The following LAMA1 variants were observed in gnomAD, a reference collection of about 807,000 sequenced individuals.
LAMA1 encodes laminin subunit alpha-1.
Under a neutral mutation model 348.7 loss-of-function variants are expected in LAMA1, and 219 were observed. The ratio of observed to expected loss-of-function variants is 0.63; its 90% CI spans 0.56 to 0.70. The LOEUF (loss-of-function observed/expected upper bound fraction) is 0.70, where lower values mean the gene tolerates loss of function less well. Ranked by LOEUF, LAMA1 falls within the 30% of genes least tolerant of loss-of-function variation. The pLI, the probability that LAMA1 is intolerant of heterozygous loss-of-function variation, is 0.00. For synonymous variants in LAMA1, 1,487 were observed against 1,491.0 expected, an observed-to-expected ratio of 1.00 and a Z score of 0.06; for missense variants, 3,744 against 3,888.0, an observed-to-expected ratio of 0.96 and a Z score of 0.99.
At chr18:6,956,187 G>A in intron 56 of LAMA1, 1 of 346,204 alleles carries the variant, frequency 2.9e-6, no homozygotes, top group Non-Finnish European at 5.6e-6. Flanking sequence ...GAAAGCAAAA[G>A]GGGAGAACAT....
intron 6 of LAMA1, 150 bp from the exon 7 acceptor site, chr18:7,044,989 T>G: frequency 1.4e-6 from 1 of 717,624 alleles, no homozygotes; most frequent in Non-Finnish European, 2.5e-6. Flanking sequence ...TGGCATTTAA[T>G]TTTTAGATGC....
chr18:7,047,323 T>G (rs1796287173), intron 5 of LAMA1, among the ~76,000 whole-genome samples: 1 of 152,178 alleles, frequency 6.6e-6, no homozygotes, highest in Admixed American at 6.5e-5. Context: ...GATTACAGCA[T>G]GAGCCACTGT....
intron 3 of LAMA1, among the ~76,000 whole-genome samples, chr18:7,055,344 T>C (rs759195202): frequency 6.6e-6 from 1 of 150,758 alleles, no homozygotes; most frequent in Admixed American, 6.7e-5. Context: ...TCCCAGCTAA[T>C]TGGGAGGCTG....
rs1318410334 is a variant in LAMA1 at position 7,098,873 on chromosome 18, G to A, written c.62-18416C>T. On this transcript the variant is annotated intron_variant, in intron 1 of 62. Transcript: ENST00000389658. ...GGGTCAGCCCCCCGCCCGGCCAGCCGCCCCGTCCGGGAGGTGAGGGGCGCC... is the reference window on the plus strand; with the variant it reads ...GGGTCAGCCCCCCGCCCGGCCAGCCACCCCGTCCGGGAGGTGAGGGGCGCC... Among the ~76,000 whole-genome samples the A allele has an allele frequency of 4.0e-3, 469 of 117,146 alleles. 1 individual carries two copies. The highest frequency in any genetic ancestry group is 0.015 in the African/African-American group (426 of 28,910). The allele number at this position is 117,146 out of a possible 152,430, so 76.9% of individuals were successfully genotyped here. A position where few individuals can be genotyped will look rare whatever the true frequency, so the allele number is the denominator to read the frequency against.
At chr18:7,040,952 A>G (rs1248006248) in intron 9 of LAMA1, among the ~76,000 whole-genome samples, 7 of 152,186 alleles carry the variant, frequency 4.6e-5, no homozygotes, top group Non-Finnish European at 8.8e-5. Flanking sequence ...GCAAAGAAAA[A>G]GGTAATTAAC....
chr18:6,969,566 A>G (rs1457391545), intron 48 of LAMA1, among the ~76,000 whole-genome samples: 1 of 152,164 alleles, frequency 6.6e-6, no homozygotes. Context: ...TTCTTTACAA[A>G]CACGTATTTT....
chr18:7,085,442 A>G (rs1448140105), intron 1 of LAMA1, among the ~76,000 whole-genome samples: 5 of 124,740 alleles, frequency 4.0e-5, no homozygotes, highest in East Asian at 2.4e-4. Context: ...TTTTGAGACA[A>G]GAGTCTTGCT....
chr18:6,986,010 G>A lies in LAMA1; in HGVS notation c.5379+127C>T, dbSNP rs765489799. 2.8e-5 allele frequency: 28 copies of A among 982,646 alleles called. 1 individual carries two copies. The highest frequency in any genetic ancestry group is 9.5e-5 in the African/African-American group (6 of 62,888). The allele number at this position is 982,646 out of a possible 1,614,324, so 60.9% of individuals were successfully genotyped here. Reference sequence around the variant, plus strand: ...CTTGACCTCATGATCTGCCTGCCTCGGCCTCCCAAAGTGCTGGGATTACAA... The same window carrying A: ...CTTGACCTCATGATCTGCCTGCCTCAGCCTCCCAAAGTGCTGGGATTACAA... On this transcript the variant is annotated intron_variant, in intron 37 of 62. Coordinates refer to ENST00000389658, the MANE Select transcript of LAMA1 (RefSeq NM_005559.4).
At chr18:6,952,411 G>C (rs879820451) in intron 57 of LAMA1, among the ~76,000 whole-genome samples, 2 of 152,180 alleles carry the variant, frequency 1.3e-5, no homozygotes, top group Non-Finnish European at 2.9e-5. Flanking sequence ...GCTCTTTCAA[G>C]AGCCTTGCTG....
Position 6,964,763 on chromosome 18 carries a change from T to A in LAMA1, c.7236A>T (p.Lys2412Asn), listed in dbSNP as rs2057624878. ...AVIDAYNTSN[K>N]ETKQGETPGA... ...CCGGAGTCTCGCCCTGCTTGGTTTC[T>A]TTATTACTGGTGTTATAGGCATCGA... Residue 2412 changes from lysine (K) to asparagine (N), a missense_variant, in exon 51 of 63, where the codon AAA (lysine) becomes AAT (asparagine). By Grantham distance (94) the Lys-to-Asn change is moderately conservative. Transcript: ENST00000389658. 1 of 1,614,148 alleles carries A rather than the reference T, an allele frequency of 6.2e-7. No homozygotes were observed. The highest frequency in any genetic ancestry group is 1.1e-5 in the South Asian group (1 of 91,082).
chr18:7,020,637 A>T (rs2057911325), intron 19 of LAMA1, among the ~76,000 whole-genome samples: 1 of 152,164 alleles, frequency 6.6e-6, no homozygotes, highest in Admixed American at 6.5e-5. Flanking sequence ...CCTGGTCAGC[A>T]TCAGCCCTAC....
intron 3 of LAMA1, chr18:7,079,750 T>C (rs1178852150): frequency 7.1e-6 from 4 of 562,310 alleles, no homozygotes; most frequent in Middle Eastern, 4.8e-4. Context: ...ACATCAACCA[T>C]ATGGAAGCAA....
Position 7,117,758 on chromosome 18 carries a change from G to C in LAMA1, c.-38C>G. 3.8e-6 allele frequency: 6 copies of C among 1,574,918 alleles called. No homozygotes were observed. The highest frequency in any genetic ancestry group is 4.3e-6 in the Non-Finnish European group (5 of 1,164,624). Reference sequence around the variant, plus strand: ...GCCACTCGGTGGGTCTGGGGAGAAAGCCGCGCGCCCGCCTGGAACGCTCCA... The same window carrying C: ...GCCACTCGGTGGGTCTGGGGAGAAACCCGCGCGCCCGCCTGGAACGCTCCA... On this transcript the variant is annotated 5_prime_UTR_variant, in exon 1 of 63. Coordinates refer to ENST00000389658, the MANE Select transcript of LAMA1 (RefSeq NM_005559.4).
intron 25 of LAMA1, 149 bp from the exon 26 acceptor site, chr18:7,010,534 T>C: frequency 1.3e-6 from 1 of 744,954 alleles, no homozygotes; most frequent in Non-Finnish European, 2.3e-6. Flanking sequence ...TGCTTCCTTC[T>C]AATTCCATTT....
chr18:7,042,963 T>G (rs1457046224), intron 8 of LAMA1: 2 of 448,740 alleles, frequency 4.5e-6, no homozygotes. Flanking sequence ...AGCTGAATTT[T>G]CACATCTGTA....
intron 11 of LAMA1, chr18:7,038,468 G>C: frequency 2.6e-6 from 1 of 378,730 alleles, no homozygotes; most frequent in South Asian, 2.3e-5. Flanking sequence ...ATGGCCCCAC[G>C]GCCCTCTGGG....
At chr18:6,997,940 A>AT in intron 32 of LAMA1, 56 bp from the exon 33 acceptor site, 25 of 1,542,582 alleles carry the variant, frequency 1.6e-5, no homozygotes, top group Non-Finnish European at 2.2e-5. Flanking sequence ...TGGTCTGCCC[A>AT]TTTTTTCATG....
chr18:7,022,459 A>T (rs1276833743), intron 19 of LAMA1, among the ~76,000 whole-genome samples: 1 of 152,214 alleles, frequency 6.6e-6, no homozygotes, highest in African/African-American at 2.4e-5. Context: ...CTGGGAAAGT[A>T]TGTTTTCTGT....
At chr18:7,102,528 C>T (rs1242929989) in intron 1 of LAMA1, among the ~76,000 whole-genome samples, 2 of 152,176 alleles carry the variant, frequency 1.3e-5, no homozygotes, top group African/African-American at 4.8e-5. Flanking sequence ...TAAAAGGAGA[C>T]TTCATGCAGT....
Sources: allele counts gnomAD v4.1 joint callset (sites outside exome capture counted in the v4.1 genomes callset), GRCh38; gene constraint gnomAD v4.1.1; transcripts MANE v1.5; gene names NCBI Gene and HGNC (gene_info 2026-07-23, HGNC 2026-07-21).